GALNS: variants seen among roughly 807,000 people sequenced by gnomAD.
The protein encoded by GALNS is N-acetylgalactosamine-6-sulfatase.
GALNS carries 65 observed loss-of-function variants against 65.9 expected under a neutral mutation model. The ratio of observed to expected loss-of-function variants is 0.99; its 90% CI spans 0.81 to 1.21. The LOEUF is 1.21. GALNS is among the 50% of genes most tolerant of loss of function. GALNS has a pLI of 0.00. For synonymous variants in GALNS, 346 were observed against 288.9 expected (o/e 1.20, Z -2.00); for missense variants, 776 against 700.7 (o/e 1.11, Z -1.21).
At chr16:88,817,395 G>C in intron 13 of GALNS, 1 of 985,464 alleles carries the variant, frequency 1.0e-6, no homozygotes, top group Non-Finnish European at 1.2e-6. Context: ...AGGCTGCACG[G>C]AGGTGCTGCT....
Position 88,824,843 on chromosome 16 carries a change from G to C in GALNS, c.1166C>G (p.Thr389Arg). 3 of 1,613,396 alleles carry C rather than the reference G, an allele frequency of 1.9e-6. No individual in the cohort carries two copies. The highest frequency in any genetic ancestry group is 2.5e-6 in the Non-Finnish European group (3 of 1,180,006). The part of the protein sequence containing the change: ...DRPIFYYRGD[T>R]LMAATLGQHK... ...CTGCCCGAGGGTGGCCGCCATCAGC[G>C]TGTCGCCACGGTAATAGAAGATAGG... Residue 389 changes from threonine to arginine, a missense_variant, in exon 11 of 14, where the codon ACG becomes AGG. By Grantham distance (71) the Thr-to-Arg change is moderately conservative (BLOSUM62 -1). Coordinates refer to ENST00000268695, the MANE Select transcript of GALNS (RefSeq NM_000512.5).
intron 10 of GALNS, among the ~76,000 whole-genome samples, 187 bp from the exon 11 acceptor site, chr16:88,825,056 G>GGGGCTGGGGCTCCTGGGTGGCCA (rs1910672804): frequency 6.9e-6 from 1 of 145,210 alleles, no homozygotes; most frequent in South Asian, 2.2e-4. Context: ...CTGGGCGGCC[G>GGGGCTGGGGCTCCTGGGTGGCCA]GGGCTGGAGC....
intron 1 of GALNS, among the ~76,000 whole-genome samples, chr16:88,851,442 T>C (rs1309787806): frequency 6.6e-6 from 1 of 152,088 alleles, no homozygotes; most frequent in African/African-American, 2.4e-5. Context: ...CCAGCGTGAT[T>C]GACGCAGAAG....
chr16:88,822,727 G>A lies in GALNS; in HGVS notation c.1243-17C>T. 6.2e-7 allele frequency: 1 copy of A among 1,610,962 alleles called. No individual in the cohort carries two copies. The highest frequency in any genetic ancestry group is 1.1e-5 in the South Asian group (1 of 90,930). Reference sequence around the variant, plus strand: ...ATCAATGCCCTGCAATGAGAAGAGGGAAGGTGTGTCCTGGAGCCCCTGACC... The same window carrying A: ...ATCAATGCCCTGCAATGAGAAGAGGAAAGGTGTGTCCTGGAGCCCCTGACC... On this transcript the variant is annotated splice_polypyrimidine_tract_variant and intron_variant, in intron 11 of 13. Coordinates refer to ENST00000268695, the MANE Select transcript of GALNS (RefSeq NM_000512.5).
chr16:88,833,327 G>A (rs2142999918), intron 8 of GALNS, among the ~76,000 whole-genome samples: 1 of 152,262 alleles, frequency 6.6e-6, no homozygotes, highest in East Asian at 1.9e-4. Context: ...CACAGAACCT[G>A]TGAAGGGACA....
In GALNS at chr16:88,837,746, G is replaced by C; in HGVS notation, c.442C>G (p.Gln148Glu). 1 of 1,613,992 alleles carries C rather than the reference G, an allele frequency of 6.2e-7. No individual in the cohort carries two copies. Among genetic ancestry groups the C allele is most frequent in the South Asian group, 1.1e-5 (1 of 91,080 alleles). Residue 148 changes from glutamine (Q) to glutamate (E), a missense_variant, in exon 5 of 14, where the codon CAG becomes GAG. Coordinates refer to ENST00000268695, the MANE Select transcript of GALNS (RefSeq NM_000512.5). ...AATCCGTGCTTCAGGGGGTGGAACTGGGGCCTGTGACCCAGATGCCTGGAA... is the reference window on the plus strand; with the variant it reads ...AATCCGTGCTTCAGGGGGTGGAACTCGGGCCTGTGACCCAGATGCCTGGAA... ...VGKWHLGHRP[Q>E]FHPLKHGFDE...
Position 88,826,854 on chromosome 16 carries a change from G to C in GALNS, c.1003-16C>G. On this transcript the variant is annotated splice_polypyrimidine_tract_variant and intron_variant, in intron 9 of 13. Transcript: ENST00000268695. ...GGTGGCTCACCTGAAACACATGGCAGCAACACGGTCAGGGCACTCTGCACC... is the reference window on the plus strand; with the variant it reads ...GGTGGCTCACCTGAAACACATGGCACCAACACGGTCAGGGCACTCTGCACC... 1 of 1,564,738 alleles carries C rather than the reference G, an allele frequency of 6.4e-7. No individual in the cohort carries two copies. The highest frequency in any genetic ancestry group is 8.7e-7 in the Non-Finnish European group (1 of 1,155,426).
In GALNS at chr16:88,837,616, C is replaced by T. The variant is rs1912274502; in HGVS notation, c.566+6G>A. On this transcript the variant is annotated splice_donor_region_variant and intron_variant, in intron 5 of 13. Transcript: ENST00000268695. ...CGTGGGAGGGGAAGGGGTGGGGCTC[C>T]ATTACCTGCCAACCATCTCCCAGTC... 4 of 1,612,562 alleles carry T rather than the reference C, an allele frequency of 2.5e-6. No homozygotes were observed. The highest frequency in any genetic ancestry group is 3.4e-6 in the Non-Finnish European group (4 of 1,179,882).
At chr16:88,853,579 A>G (rs1182582610) in intron 1 of GALNS, among the ~76,000 whole-genome samples, 2 of 152,156 alleles carry the variant, frequency 1.3e-5, no homozygotes, top group Admixed American at 6.5e-5. Flanking sequence ...TTTTCCAAAT[A>G]AGGAGTGGAG....
At chr16:88,856,731 C>G in intron 1 of GALNS, 27 bp downstream of exon 1, 1 of 1,412,196 alleles carries the variant, frequency 7.1e-7, no homozygotes, top group Non-Finnish European at 9.5e-7. Context: ...CACCCCGGCC[C>G]TGCCCCGTCC....
At chr16:88,847,099 G>A (rs980961307) in intron 1 of GALNS, among the ~76,000 whole-genome samples, 7 of 152,170 alleles carry the variant, frequency 4.6e-5, no homozygotes, top group Non-Finnish European at 4.4e-5. Flanking sequence ...AGCTCCACCC[G>A]CAGCTCTTAA....
At chr16:88,817,798 A>G (rs1317597091) in intron 13 of GALNS, among the ~76,000 whole-genome samples, 1 of 152,128 alleles carries the variant, frequency 6.6e-6, no homozygotes, top group East Asian at 1.9e-4. Flanking sequence ...GCCCTGGTGC[A>G]GCGTTGTTCT....
At chr16:88,825,273 TTTGGGCAGCCGGGG>T (rs1326287906) in intron 10 of GALNS, among the ~76,000 whole-genome samples, 3 of 106,714 alleles carry the variant, frequency 2.8e-5, no homozygotes, top group Admixed American at 9.1e-5. Context: ...TGCCTGGGTG[TTTGGGCAGCCGGGG>T]CTGGGGTGCC....
intron 1 of GALNS, chr16:88,843,098 A>C (rs765882617): frequency 5.9e-5 from 87 of 1,486,952 alleles, no homozygotes; most frequent in Non-Finnish European, 7.5e-5. Flanking sequence ...TTTCGCCTCC[A>C]CTTCTGCTTG....
chr16:88,831,188 C>T (rs1209264606), intron 9 of GALNS, among the ~76,000 whole-genome samples: 3 of 152,148 alleles, frequency 2.0e-5, no homozygotes, highest in African/African-American at 4.8e-5. Flanking sequence ...CGAGAGCCAC[C>T]GAGAGGGACC....
At chr16:88,856,002 G>C (rs1202264067) in intron 1 of GALNS, 5 of 598,554 alleles carry the variant, frequency 8.4e-6, no homozygotes, top group Non-Finnish European at 1.5e-5. Flanking sequence ...CCCCAAGCTT[G>C]GAGACAGTAG....
chr16:88,826,945 G>C, intron 9 of GALNS, 107 bp from the exon 10 acceptor site: 2 of 1,331,272 alleles, frequency 1.5e-6, no homozygotes, highest in Admixed American at 2.0e-5. Flanking sequence ...TGGGTCTACA[G>C]ATATGCATAC....
At chr16:88,848,371 C>T (rs1181215293) in intron 1 of GALNS, among the ~76,000 whole-genome samples, 2 of 152,140 alleles carry the variant, frequency 1.3e-5, no homozygotes, top group Non-Finnish European at 2.9e-5. Context: ...TGGTTCACGC[C>T]TGTAATCCCA....
chr16:88,824,648 A>G, intron 11 of GALNS, 119 bp downstream of exon 11: 1 of 793,764 alleles, frequency 1.3e-6, no homozygotes, highest in Non-Finnish European at 2.2e-6. Flanking sequence ...AAGGCTGTGG[A>G]GGGGGTGGAG....
Sources: gnomAD v4.1 joint callset for allele counts (sites outside exome capture counted in the v4.1 genomes callset) on GRCh38, gnomAD v4.1.1 for gene constraint, MANE v1.5 for transcripts, NCBI Gene and HGNC (gene_info 2026-07-23, HGNC 2026-07-21) for gene names.